Variants in DTNB observed in about 807,000 individuals in gnomAD.
DTNB encodes the protein dystrobrevin beta.
In DTNB, 63 loss-of-function variants were observed where a neutral mutation model predicts 90.7. The ratio of observed to expected loss-of-function variants is 0.69; its 90% confidence interval spans 0.57 to 0.86. DTNB has a LOEUF of 0.86. DTNB is among the 40% of genes least tolerant of loss of function. The pLI, the probability that DTNB is intolerant of heterozygous loss-of-function variation, is 0.00. For synonymous variants in DTNB, 277 were observed against 286.7 expected, an observed-to-expected ratio of 0.97 and a Z score of 0.34; for missense variants, 744 against 807.1, an observed-to-expected ratio of 0.92 and a Z score of 0.95.
intron 9 of DTNB, among the ~76,000 whole-genome samples, chr2:25,518,761 T>C (rs939962854): frequency 3.3e-5 from 5 of 152,170 alleles, no homozygotes; most frequent in Admixed American, 6.5e-5. Flanking sequence ...CTCAGAAGAA[T>C]GATTCTGGGA....
At chr2:25,442,480 A>G (rs1469473483) in intron 12 of DTNB, among the ~76,000 whole-genome samples, 3 of 152,218 alleles carry the variant, frequency 2.0e-5, no homozygotes, top group African/African-American at 7.2e-5. Context: ...CAGTAGTTTC[A>G]AAAACTTCTC....
chr2:25,650,012 T>G, intron 2 of DTNB: 1 of 985,186 alleles, frequency 1.0e-6, no homozygotes, highest in Non-Finnish European at 1.2e-6. Context: ...ACTCAAGAAG[T>G]CATACTTACC....
intron 8 of DTNB, among the ~76,000 whole-genome samples, chr2:25,569,250 T>G (rs756457638): frequency 2.6e-5 from 4 of 152,216 alleles, no homozygotes; most frequent in Non-Finnish European, 5.9e-5. Flanking sequence ...AATCAAATGA[T>G]TGGTGTTTAA....
intron 10 of DTNB, among the ~76,000 whole-genome samples, chr2:25,477,332 T>A (rs1245188246): frequency 6.6e-6 from 1 of 152,226 alleles, no homozygotes; most frequent in East Asian, 1.9e-4. Flanking sequence ...GTCTCTGAGG[T>A]ATGCGTGTAC....
rs747704978 is a variant in DTNB, at chr2:25,534,487, G to T, written c.877-2890C>A. Among the ~76,000 whole-genome samples the T allele has an allele frequency of 2.0e-5, 3 of 151,990 alleles. No homozygotes were observed. The East Asian group carries it at 5.8e-4, about 29-fold the overall frequency. On this transcript the variant is annotated intron_variant, in intron 8 of 20. Transcript: ENST00000406818. ...TCTTTTCGACAAAACCGCCATCGTC[G>T]TCATGGCCTGTTCTCAGTGGTCGCT...
At chr2:25,616,954 G>A (rs13409425) in intron 4 of DTNB, among the ~76,000 whole-genome samples, 34,520 of 94,250 alleles carry the variant, frequency 0.37, 8,120 homozygotes, top group South Asian at 0.42. Flanking sequence ...AAAAAAAAAG[G>A]AAAAAAAAGA....
chr2:25,589,964 T>C (rs1271422623), intron 6 of DTNB, among the ~76,000 whole-genome samples: 2 of 152,182 alleles, frequency 1.3e-5, no homozygotes, highest in African/African-American at 4.8e-5. Flanking sequence ...CCGGCCACTA[T>C]GCACAGCCAG....
intron 18 of DTNB, among the ~76,000 whole-genome samples, chr2:25,386,274 CAT>C (rs761676414): frequency 6.6e-6 from 1 of 152,242 alleles, no homozygotes; most frequent in African/African-American, 2.4e-5. Context: ...CAACCCTAAA[CAT>C]GTGAGCTTTC....
intron 8 of DTNB, among the ~76,000 whole-genome samples, chr2:25,563,303 G>A (rs2058531773): frequency 6.6e-6 from 1 of 152,136 alleles, no homozygotes; most frequent in African/African-American, 2.4e-5. Flanking sequence ...TAGTTGGGGT[G>A]TTGTTTTTGT....
intron 10 of DTNB, among the ~76,000 whole-genome samples, chr2:25,480,118 T>A (rs2064620198): frequency 6.6e-6 from 1 of 152,208 alleles, no homozygotes; most frequent in South Asian, 2.1e-4. Context: ...AGGTAATTAG[T>A]ATCCACATGG....
chr2:25,539,019 G>C (rs917522965), intron 8 of DTNB, among the ~76,000 whole-genome samples: 1 of 152,082 alleles, frequency 6.6e-6, no homozygotes, highest in Non-Finnish European at 1.5e-5. Context: ...AGTCTTCTGC[G>C]ACTTGCTTCT....
At chr2:25,613,548 G>T (rs1361660396) in intron 4 of DTNB, among the ~76,000 whole-genome samples, 1 of 151,698 alleles carries the variant, frequency 6.6e-6, no homozygotes, top group Non-Finnish European at 1.5e-5. Context: ...GGTAAGGCCA[G>T]CATTATTCTG....
At chr2:25,499,566 T>C (rs2069941836) in intron 9 of DTNB, among the ~76,000 whole-genome samples, 1 of 152,252 alleles carries the variant, frequency 6.6e-6, no homozygotes, top group Admixed American at 6.5e-5. Flanking sequence ...CTACTGCTTT[T>C]TTAAAAAGTT....
intron 9 of DTNB, among the ~76,000 whole-genome samples, chr2:25,504,554 CAGAA>C (rs145795119): frequency 0.071 from 7,887 of 110,972 alleles, 265 homozygotes; most frequent in African/African-American, 0.12. Context: ...GAAGGCAAGG[CAGAA>C]AGAAAGAAAG....
chr2:25,593,584 G>T (rs761912344), intron 6 of DTNB, among the ~76,000 whole-genome samples: 1 of 151,962 alleles, frequency 6.6e-6, no homozygotes, highest in South Asian at 2.1e-4. Flanking sequence ...AATGCAGATT[G>T]ATTTTTTTTT....
intron 9 of DTNB, among the ~76,000 whole-genome samples, chr2:25,508,127 AATTT>A (rs1208183363): frequency 6.6e-6 from 1 of 152,134 alleles, no homozygotes; most frequent in African/African-American, 2.4e-5. Flanking sequence ...TCTAATATAT[AATTT>A]ATTTATTTAT....
chr2:25,388,075 T>G (rs1165442517), intron 17 of DTNB, 127 bp downstream of exon 17: 1 of 1,447,842 alleles, frequency 6.9e-7, no homozygotes, highest in Non-Finnish European at 9.2e-7. Context: ...TTATTTACAC[T>G]GTCTGTCAAA....
rs1226727811 is a variant in DTNB at position 25,419,785 on chromosome 2, A to ACCAC, written c.1555-254_1555-251dup. The stretch of plus-strand genomic sequence containing the variant: ...GAGCTAGAAGGAAAGAACCTTAGAA[A>ACCAC]CCACCTCGCCAACATTCTTACTATA... On this transcript the variant is annotated intron_variant, in intron 15 of 20. Transcript: ENST00000406818. Among the ~76,000 whole-genome samples the ACCAC allele has an allele frequency of 2.6e-5, 4 of 152,152 alleles. No individual in the cohort carries two copies. In the South Asian group the frequency reaches 8.3e-4, roughly 32 times the overall value.
chr2:25,643,336 C>G (rs2078757079), intron 2 of DTNB, among the ~76,000 whole-genome samples: 1 of 152,182 alleles, frequency 6.6e-6, no homozygotes, highest in South Asian at 2.1e-4. Context: ...CATGTGGCTC[C>G]TACTGCACTG....
Sources: gnomAD v4.1 joint callset for allele counts (sites outside exome capture counted in the v4.1 genomes callset) on GRCh38, gnomAD v4.1.1 for gene constraint, MANE v1.5 for transcripts, NCBI Gene and HGNC (gene_info 2026-07-23, HGNC 2026-07-21) for gene names.